ERN1: variants seen among roughly 807,000 people sequenced by gnomAD.
ERN1 encodes endoplasmic reticulum to nucleus signaling 1, also known as serine/threonine-protein kinase/endoribonuclease IRE1.
Under a neutral mutation model 113.1 loss-of-function variants are expected in ERN1, and 39 were observed. The observed-to-expected ratio is 0.34, with a 90% confidence interval of 0.27 to 0.45. ERN1 has a LOEUF of 0.45. ERN1 is among the 20% of genes least tolerant of loss of function. The pLI, the probability that ERN1 is intolerant of heterozygous loss-of-function variation, is 1.00. For synonymous variants in ERN1, 507 were observed against 515.9 expected, an observed-to-expected ratio of 0.98 and a Z score of 0.23; for missense variants, 976 against 1,274.8, an observed-to-expected ratio of 0.77 and a Z score of 3.57.
intron 2 of ERN1, among the ~76,000 whole-genome samples, chr17:64,083,613 C>T (rs977838064): frequency 2.6e-5 from 4 of 152,220 alleles, no homozygotes; most frequent in Admixed American, 2.6e-4. Flanking sequence ...GTAAGGTTAT[C>T]TGGTAAAGGT....
intron 4 of ERN1, among the ~76,000 whole-genome samples, chr17:64,077,514 AGTGAATGG>A (rs1913629820): frequency 1.3e-5 from 2 of 151,908 alleles, no homozygotes; most frequent in Non-Finnish European, 2.9e-5. Flanking sequence ...GCTTTACATA[AGTGAATGG>A]CAGCGTGTGG....
intron 5 of ERN1, 49 bp downstream of exon 5, chr17:64,075,126 C>T (rs1349489789): frequency 4.5e-5 from 65 of 1,436,666 alleles, no homozygotes; most frequent in Admixed American, 1.4e-4. Context: ...TCCCAGATTC[C>T]GGGACTTACA....
At position 64,067,370 on chromosome 17, in the gene ERN1, A is replaced by G. The variant is rs554635105; in HGVS notation, c.581-438T>C. 2.8e-3 allele frequency among the ~76,000 whole-genome samples: 421 copies of G among 148,552 alleles called. 2 individuals are homozygous for G. The highest frequency in any genetic ancestry group is 4.9e-3 in the Non-Finnish European group (332 of 67,576). On this transcript the variant is annotated intron_variant, in intron 7 of 21. Coordinates refer to ENST00000433197, the MANE Select transcript of ERN1 (RefSeq NM_001433.5). ...TTTGGGAGGCTGAGGTAGGAAGATC[A>G]CTTGAGTCCAGGACTTCAAGACCAG...
intron 1 of ERN1, among the ~76,000 whole-genome samples, chr17:64,116,010 A>G (rs1914794155): frequency 6.6e-6 from 1 of 152,202 alleles, no homozygotes; most frequent in Admixed American, 6.5e-5. Flanking sequence ...GTCATTTCCA[A>G]TCCTGGTCTT....
intron 1 of ERN1, among the ~76,000 whole-genome samples, chr17:64,121,401 G>A: frequency 6.6e-6 from 1 of 152,152 alleles, no homozygotes; most frequent in East Asian, 1.9e-4. Context: ...ATATGACTAG[G>A]CGAGATGTTA....
intron 2 of ERN1, among the ~76,000 whole-genome samples, chr17:64,097,405 G>C (rs7211849): frequency 0.05 from 7,654 of 152,278 alleles, 613 homozygotes; most frequent in African/African-American, 0.17. Flanking sequence ...GAACGATGCT[G>C]TTCAGACCCG....
At position 64,047,886 on chromosome 17, in the gene ERN1, C is replaced by T; in HGVS notation, c.2501G>A (p.Ser834Asn). 1.2e-6 allele frequency: 2 copies of T among 1,613,098 alleles called. No individual in the cohort carries two copies. The highest frequency in any genetic ancestry group is 1.7e-6 in the Non-Finnish European group (2 of 1,179,246). The stretch of plus-strand genomic sequence containing the variant: ...GAAGAACTGGAGCTGCTTCTCTAGG[C>T]TCCAGAAGAACGGGTGTTTGAGCAC... The part of the protein sequence containing the change: ...KHVLKHPFFW[S>N]LEKQLQFFQD... Residue 834 changes from serine (S) to asparagine (N), a missense_variant, in exon 19 of 22, where the codon AGC becomes AAC. Coordinates refer to ENST00000433197, the MANE Select transcript of ERN1 (RefSeq NM_001433.5).
intron 5 of ERN1, among the ~76,000 whole-genome samples, chr17:64,074,086 G>A (rs1458972556): frequency 6.6e-6 from 1 of 152,192 alleles, no homozygotes; most frequent in Non-Finnish European, 1.5e-5. Flanking sequence ...AGGTAGAGGA[G>A]AACAGAGCTA....
Position 64,054,455 on chromosome 17 carries a change from TG to T in ERN1, c.1764-17del. ...AAACATGCCCCTGCGGGATGAGGAG[TG>T]GGAGTTGTGTCTGGGAAGCACGAGT... On this transcript the variant is annotated splice_polypyrimidine_tract_variant and intron_variant, in intron 14 of 21. Coordinates refer to ENST00000433197, the MANE Select transcript of ERN1 (RefSeq NM_001433.5). The surrounding 1 kb of genome is among the most constrained non-coding windows in gnomAD (Gnocchi z 4.9). The T allele has an allele frequency of 6.5e-7, 1 of 1,547,430 alleles. No individual in the cohort carries two copies. The highest frequency in any genetic ancestry group is 8.7e-7 in the Non-Finnish European group (1 of 1,143,552).
At chr17:64,067,078 G>A (rs2143376954) in intron 7 of ERN1, 146 bp from the exon 8 acceptor site, 1 of 840,110 alleles carries the variant, frequency 1.2e-6, no homozygotes, top group East Asian at 2.7e-5. Flanking sequence ...AATTTCACTT[G>A]TTTCCAATGA....
rs556113039 is a variant in ERN1, at chr17:64,111,357, GT to G, written c.55-13117del. On this transcript the variant is annotated intron_variant, in intron 1 of 21. Coordinates refer to ENST00000433197, the MANE Select transcript of ERN1 (RefSeq NM_001433.5). ...CCGCCTAGCCTGGAGGTCATCCAAT[GT>G]TTTTTTTTTTTTTTGAGACAGAGTT... 2.3e-3 allele frequency among the ~76,000 whole-genome samples: 319 copies of G among 138,382 alleles called. 1 individual carries two copies. Among genetic ancestry groups the G allele is most frequent in the African/African-American group, 4.8e-3 (181 of 38,050 alleles). 90.8% of individuals were successfully genotyped at this position (138,382 alleles called of 152,430 possible).
Position 64,054,706 on chromosome 17 carries a change from G to A in ERN1, c.1763+32C>T, listed in dbSNP as rs748680350. 20 of 1,531,446 alleles carry A rather than the reference G, an allele frequency of 1.3e-5. No individual in the cohort carries two copies. The highest frequency in any genetic ancestry group is 4.1e-5 in the African/African-American group (3 of 73,004). 94.9% of individuals were successfully genotyped at this position (1,531,446 alleles called of 1,614,324 possible). The stretch of plus-strand genomic sequence containing the variant: ...CCTGACAGGCACTTAGACACCAGGC[G>A]GTGAGGGCAGGGGGCTGGCTAATCC... On this transcript the variant is annotated intron_variant, in intron 14 of 21. Transcript: ENST00000433197. The surrounding 1 kb of genome is among the most constrained non-coding windows in gnomAD (Gnocchi z 4.9).
chr17:64,110,975 T>C (rs1292249763), intron 1 of ERN1, among the ~76,000 whole-genome samples: 2 of 152,044 alleles, frequency 1.3e-5, no homozygotes, highest in Non-Finnish European at 2.9e-5. Context: ...GCTTATCAAG[T>C]GGTCGGCAGG....
At chr17:64,094,929 G>A (rs1914189198) in intron 2 of ERN1, among the ~76,000 whole-genome samples, 1 of 152,130 alleles carries the variant, frequency 6.6e-6, no homozygotes, top group South Asian at 2.1e-4. Flanking sequence ...ACCTAGAGTA[G>A]CATCTGGATA....
At chr17:64,067,348 G>C (rs909825266) in intron 7 of ERN1, among the ~76,000 whole-genome samples, 1 of 150,774 alleles carries the variant, frequency 6.6e-6, no homozygotes, top group Non-Finnish European at 1.5e-5. Context: ...CCAAGAATTT[G>C]GGAGGCTGAG....
chr17:64,072,917 T>C (rs1048645847), intron 5 of ERN1, among the ~76,000 whole-genome samples: 5 of 152,202 alleles, frequency 3.3e-5, no homozygotes, highest in African/African-American at 1.2e-4. Flanking sequence ...CATTTTTATC[T>C]TCCTAACTTA....
intron 1 of ERN1, among the ~76,000 whole-genome samples, chr17:64,120,107 G>A (rs1043814694): frequency 1.3e-5 from 2 of 152,038 alleles, no homozygotes; most frequent in Non-Finnish European, 2.9e-5. Context: ...CACTCCCAGA[G>A]ATTCCAATTT....
At chr17:64,053,017 G>A (rs1347497244) in intron 16 of ERN1, 38 bp from the exon 17 acceptor site, 1 of 1,438,834 alleles carries the variant, frequency 7.0e-7, no homozygotes, top group Non-Finnish European at 9.2e-7. Flanking sequence ...TGCTTACCAG[G>A]AGCAACCCCA....
At chr17:64,069,602 C>T (rs949340336) in intron 6 of ERN1, among the ~76,000 whole-genome samples, 1 of 152,146 alleles carries the variant, frequency 6.6e-6, no homozygotes, top group African/African-American at 2.4e-5. Flanking sequence ...ATGTGCCTGG[C>T]TGGATTTCAG....
Sources: allele counts gnomAD v4.1 joint callset (sites outside exome capture counted in the v4.1 genomes callset), GRCh38; gene constraint gnomAD v4.1.1; non-coding constraint Gnocchi (gnomAD v3.1); transcripts MANE v1.5; gene names NCBI Gene and HGNC (gene_info 2026-07-23, HGNC 2026-07-21).